Variants in TTC39B observed in about 807,000 individuals in gnomAD.
TTC39B encodes the protein tetratricopeptide repeat protein 39B.
Under a neutral mutation model 96.6 loss-of-function variants are expected in TTC39B, and 92 were observed. That is an observed-to-expected ratio of 0.95 (90% confidence interval 0.80 to 1.13). TTC39B has a LOEUF of 1.13. Among genes scored for constraint, TTC39B ranks in the 50% most tolerant of loss-of-function variants. The pLI, the probability that TTC39B is intolerant of heterozygous loss-of-function variation, is 0.00. For missense variants in TTC39B, 955 were observed against 809.3 expected (o/e 1.18, Z -2.18); for synonymous variants, 367 against 299.4 (o/e 1.23, Z -2.33).
rs79599158 is a variant in TTC39B at position 15,243,137 on chromosome 9, G to T, written c.276-17125C>A. ...GGCCATCTGTACACCACCTCTTCCT[G>T]CACCCAACGCCATGTCAGAAGGAGG... On this transcript the variant is annotated intron_variant, in intron 2 of 19. Transcript: ENST00000512701. Among the ~76,000 whole-genome samples, 1,471 of 152,284 alleles carry T rather than the reference G, an allele frequency of 9.7e-3. 25 individuals carry two copies. The highest frequency in any genetic ancestry group is 0.034 in the African/African-American group (1,394 of 41,548).
intron 19 of TTC39B, among the ~76,000 whole-genome samples, chr9:15,173,055 G>A (rs1007071708): frequency 2.0e-5 from 3 of 152,158 alleles, no homozygotes; most frequent in African/African-American, 7.2e-5. Context: ...TGAATTGTCA[G>A]TATTGTCTTG....
Position 15,211,415 on chromosome 9 carries a change from A to T in TTC39B, c.483-18T>A. Reference sequence around the variant, plus strand: ...CCTTAGCCCTGGGAAGAACACAGGGAATTCAGACATTTTAATTCAATGGAA... The same window carrying T: ...CCTTAGCCCTGGGAAGAACACAGGGTATTCAGACATTTTAATTCAATGGAA... On this transcript the variant is annotated intron_variant, in intron 4 of 19. Transcript: ENST00000512701. 6.2e-6 allele frequency: 9 copies of T among 1,457,604 alleles called. No homozygotes were observed. The highest frequency in any genetic ancestry group is 8.2e-6 in the Non-Finnish European group (9 of 1,101,124). 90.3% of individuals were successfully genotyped at this position (1,457,604 alleles called of 1,614,324 possible).
intron 2 of TTC39B, among the ~76,000 whole-genome samples, chr9:15,259,320 T>C (rs778048723): frequency 5.3e-5 from 8 of 152,200 alleles, no homozygotes; most frequent in Non-Finnish European, 8.8e-5. Flanking sequence ...TAAAGTTAAA[T>C]AACCTGCTTG....
At chr9:15,294,599 C>T (rs542705494) in intron 1 of TTC39B, among the ~76,000 whole-genome samples, 8 of 152,298 alleles carry the variant, frequency 5.3e-5, no homozygotes, top group Admixed American at 5.2e-4. Context: ...CTGTTTACTG[C>T]TCTCTTTTGT....
rs1200278174 is a variant in TTC39B, at chr9:15,211,365, T to C, written c.515A>G (p.Tyr172Cys). ...AGCCTGCAACACCACAATGGTACTG[T>C]AGCCCAAGGCATGGTACATACTCTC... The change falls in exon 5 of 20, where the codon TAC becomes TGC. Residue 172 changes from tyrosine (Y) to cysteine (C), a missense_variant. Physicochemically the swap from Tyr to Cys is radical, Grantham distance 194. Coordinates refer to ENST00000512701, the Ensembl canonical transcript of TTC39B. 9 of 1,593,976 alleles carry C rather than the reference T, an allele frequency of 5.6e-6. No homozygotes were observed. Among genetic ancestry groups the C allele is most frequent in the Non-Finnish European group, 6.0e-6 (7 of 1,171,480 alleles).
At chr9:15,188,695 C>T (rs528907198) in intron 13 of TTC39B, among the ~76,000 whole-genome samples, 1 of 151,226 alleles carries the variant, frequency 6.6e-6, no homozygotes, top group African/African-American at 2.4e-5. Flanking sequence ...TTAGCCATCA[C>T]GTAATGTCCT....
chr9:15,276,240 T>C (rs1258123699), intron 1 of TTC39B, among the ~76,000 whole-genome samples: 3 of 152,214 alleles, frequency 2.0e-5, no homozygotes, highest in Non-Finnish European at 2.9e-5. Context: ...ATGTGGTTTA[T>C]CAACTTCAGC....
chr9:15,242,970 A>G (rs1191410610), intron 2 of TTC39B, among the ~76,000 whole-genome samples: 1 of 152,240 alleles, frequency 6.6e-6, no homozygotes, highest in African/African-American at 2.4e-5. Flanking sequence ...GGGCCAACCA[A>G]TGCCAGTGGA....
intron 3 of TTC39B, among the ~76,000 whole-genome samples, chr9:15,219,416 C>A (rs1240508855): frequency 2.6e-5 from 4 of 152,148 alleles, no homozygotes; most frequent in Non-Finnish European, 4.4e-5. Context: ...TGATGACCTT[C>A]TACTATTAAT....
At position 15,175,161 on chromosome 9, in the gene TTC39B, A is replaced by G. The variant is rs201890962; in HGVS notation, c.1842-26T>C. 6.7e-4 allele frequency: 980 copies of G among 1,457,896 alleles called. 2 individuals are homozygous for G. Among genetic ancestry groups the G allele is most frequent in the South Asian group, 2.1e-3 (186 of 87,192 alleles). The allele number at this position is 1,457,896 out of a possible 1,614,324, so 90.3% of individuals were successfully genotyped here. A position where few individuals can be genotyped will look rare whatever the true frequency, so the allele number is the denominator to read the frequency against. ...CTGAAAGAGCAGAGGAAAATCAAGTAAATCTTAACAGAACAAGAAATACAC... is the reference window on the plus strand; with the variant it reads ...CTGAAAGAGCAGAGGAAAATCAAGTGAATCTTAACAGAACAAGAAATACAC... On this transcript the variant is annotated intron_variant, in intron 18 of 19. Coordinates refer to ENST00000512701, the Ensembl canonical transcript of TTC39B.
Position 15,306,895 on chromosome 9 carries a change from G to T in TTC39B, c.240+189C>A, listed in dbSNP as rs1824769691. ...CACTGCGTCCGCTCCGCGCGCCGCA[G>T]GGACCCTCCTAGCTCCAGCGGGGAC... On this transcript the variant is annotated intron_variant, in intron 1 of 19. Coordinates refer to ENST00000512701, the Ensembl canonical transcript of TTC39B. This position sits in a 1 kb window ranked among gnomAD's most constrained non-coding sequence, Gnocchi z 5.1. Among the ~76,000 whole-genome samples, 1 of 151,916 alleles carries T rather than the reference G, an allele frequency of 6.6e-6. No individual in the cohort carries two copies. The highest frequency in any genetic ancestry group is 2.1e-4 in the South Asian group (1 of 4,824).
intron 2 of TTC39B, among the ~76,000 whole-genome samples, chr9:15,235,462 A>C (rs1821734404): frequency 6.6e-6 from 1 of 152,182 alleles, no homozygotes. Context: ...ACATTCAGAG[A>C]ACACCTGCAA....
rs374054306 is a variant in TTC39B, at chr9:15,218,635, A to AAAATATATATATATATATATATAT, written c.372-4387_372-4386insATATATATATATATATATATATTT. Among the ~76,000 whole-genome samples the AAAATATATATATATATATATATAT allele has an allele frequency of 2.4e-3, 358 of 149,484 alleles. 2 individuals carry two copies. The highest frequency in any genetic ancestry group is 7.5e-3 in the African/African-American group (306 of 40,636). ...AGGATGAATTTTTTAGTCTATTTTA[A>AAAATATATATATATATATATATAT]ATATATATATATAATGAACACATAA... On this transcript the variant is annotated intron_variant, in intron 3 of 19. Transcript: ENST00000512701.
intron 6 of TTC39B, among the ~76,000 whole-genome samples, chr9:15,206,989 G>A (rs374321299): frequency 6.6e-6 from 1 of 152,170 alleles, no homozygotes; most frequent in Non-Finnish European, 1.5e-5. Flanking sequence ...GAGTTCTCAC[G>A]AGATCTGATG....
At chr9:15,220,916 G>A (rs1009643498) in intron 3 of TTC39B, among the ~76,000 whole-genome samples, 2 of 152,206 alleles carry the variant, frequency 1.3e-5, no homozygotes, top group East Asian at 3.8e-4. Context: ...GATTTTGGAA[G>A]CTAAGCAAGG....
chr9:15,270,222 G>T (rs772982262), intron 1 of TTC39B, among the ~76,000 whole-genome samples: 2 of 152,032 alleles, frequency 1.3e-5, no homozygotes, highest in South Asian at 2.1e-4. Flanking sequence ...TTGAGTTTGG[G>T]ACCCTGACCT....
intron 6 of TTC39B, among the ~76,000 whole-genome samples, chr9:15,206,387 A>G (rs1222151537): frequency 1.3e-5 from 2 of 152,242 alleles, no homozygotes; most frequent in Non-Finnish European, 2.9e-5. Context: ...CACTAAAGCT[A>G]CAATGTTTTG....
At chr9:15,270,383 G>A (rs11999027) in intron 1 of TTC39B, among the ~76,000 whole-genome samples, 6,360 of 151,944 alleles carry the variant, frequency 0.042, 416 homozygotes, top group African/African-American at 0.15. Context: ...TAGTCCCTCC[G>A]GCAGCTCTGC....
intron 4 of TTC39B, among the ~76,000 whole-genome samples, chr9:15,212,551 G>A (rs946139714): frequency 7.2e-5 from 11 of 152,082 alleles, no homozygotes; most frequent in African/African-American, 1.9e-4. Context: ...TCGGCTTCCC[G>A]AGTAGCTGGG....
Sources: gnomAD v4.1 joint callset for allele counts (sites outside exome capture counted in the v4.1 genomes callset) on GRCh38, gnomAD v4.1.1 for gene constraint, Gnocchi (gnomAD v3.1) non-coding constraint, MANE v1.5 for transcripts, NCBI Gene and HGNC (gene_info 2026-07-23, HGNC 2026-07-21) for gene names.